Variants in N4BP2 observed in about 807,000 individuals in gnomAD.
The protein encoded by N4BP2 is NEDD4-binding protein 2.
In N4BP2, 91 loss-of-function variants were observed where a neutral mutation model predicts 152.8. The observed-to-expected ratio is 0.60, with a 90% CI of 0.50 to 0.71. The LOEUF is 0.71. N4BP2 is among the 30% of genes least tolerant of loss of function. N4BP2 has a pLI of 0.00. For synonymous variants in N4BP2, 646 were observed against 705.3 expected (o/e 0.92, Z 1.33); for missense variants, 1,923 against 2,059.1 (o/e 0.93, Z 1.28).
chr4:40,073,040 C>A lies in N4BP2; in HGVS notation c.-211-415C>A, dbSNP rs562711884. ...CTGGCCAGGTCAATTTCTTTACCAA[C>A]TTTTCACCTAATGATTTTAGCATTC... On this transcript the variant is annotated intron_variant, in intron 1 of 17. Transcript: ENST00000261435. Among the ~76,000 whole-genome samples the A allele has an allele frequency of 7.6e-4, 115 of 152,226 alleles. 2 individuals are homozygous for A. Among genetic ancestry groups the A allele is most frequent in the Admixed American group, 7.4e-3 (113 of 15,270 alleles).
downstream of N4BP2, among the ~76,000 whole-genome samples, chr4:40,162,950 G>T (rs1343990467): frequency 6.6e-6 from 1 of 152,192 alleles, no homozygotes; most frequent in Non-Finnish European, 1.5e-5. Context: ...AGGACCCCAT[G>T]TGGGCCTCTC....
chr4:40,097,647 AG>A, intron 3 of N4BP2, 78 bp downstream of exon 3: 1 of 800,916 alleles, frequency 1.2e-6, no homozygotes, highest in Non-Finnish European at 2.0e-6. Flanking sequence ...ATAGTAATAT[AG>A]AAAAATGTCT....
chr4:40,145,137 C>T (rs1008086), intron 16 of N4BP2, among the ~76,000 whole-genome samples: 14,263 of 151,846 alleles, frequency 0.094, 674 homozygotes, highest in Middle Eastern at 0.12. Context: ...ATTGATATTT[C>T]TTGGATTTCA....
chr4:40,130,886 ATATT>A (rs1718848431), intron 12 of N4BP2, among the ~76,000 whole-genome samples: 1 of 152,158 alleles, frequency 6.6e-6, no homozygotes, highest in Non-Finnish European at 1.5e-5. Context: ...ATGTTTAAGA[ATATT>A]TATTATCATC....
At chr4:40,183,535 A>G in the N4BP2 span, among the ~76,000 whole-genome samples, 70 of 152,118 alleles carry the variant, frequency 4.6e-4, no homozygotes, top group African/African-American at 1.7e-3. Context: ...ACGGGGTTTC[A>G]CCATGTTAGC....
intron 2 of N4BP2, among the ~76,000 whole-genome samples, chr4:40,092,015 TATATATATATA>T (rs1714639909): frequency 3.4e-5 from 3 of 87,154 alleles, no homozygotes; most frequent in African/African-American, 9.0e-5. Flanking sequence ...AAATTATATA[TATATATATATA>T]TATATATATA....
intron 16 of N4BP2, 26 bp from the exon 17 acceptor site, chr4:40,152,754 A>G (rs1476042587): frequency 6.2e-7 from 1 of 1,611,646 alleles, no homozygotes; most frequent in South Asian, 1.1e-5. Flanking sequence ...AATGAATTTT[A>G]ACTCCCCTGA....
chr4:40,082,704 C>CTT (rs573692053), intron 2 of N4BP2, among the ~76,000 whole-genome samples: 3 of 143,248 alleles, frequency 2.1e-5, no homozygotes, highest in Admixed American at 7.1e-5. Context: ...AGGCTGTATT[C>CTT]TTTTTTTTTT....
intron 3 of N4BP2, among the ~76,000 whole-genome samples, chr4:40,101,289 T>A (rs1715626274): frequency 6.6e-6 from 1 of 152,186 alleles, no homozygotes; most frequent in African/African-American, 2.4e-5. Flanking sequence ...CCTGAGTAGC[T>A]GGGATTACAG....
intron 14 of N4BP2, among the ~76,000 whole-genome samples, chr4:40,137,838 C>T (rs1166973963): frequency 6.6e-6 from 1 of 152,174 alleles, no homozygotes; most frequent in Non-Finnish European, 1.5e-5. Context: ...ATAATTTCAG[C>T]AGGCTCTGGG....
In N4BP2 at chr4:40,102,858, G is replaced by T; in HGVS notation, c.1013G>T (p.Gly338Val). The T allele has an allele frequency of 1.2e-6, 2 of 1,614,108 alleles. No homozygotes were observed. Among genetic ancestry groups the T allele is most frequent in the Non-Finnish European group, 1.7e-6 (2 of 1,180,018 alleles). ...PHKHPELPTK[G>V]KDVSYCPVLA... is the part of the protein sequence containing the mutation. Reference sequence around the variant, plus strand: ...AAACATCCTGAACTGCCAACTAAGGGGAAGGATGTGAGTTACTGCCCGGTA... The same window carrying T: ...AAACATCCTGAACTGCCAACTAAGGTGAAGGATGTGAGTTACTGCCCGGTA... Residue 338 changes from glycine (G) to valine (V), a missense_variant, in exon 4 of 18, where the codon GGG becomes GTG. Physicochemically the swap from Gly to Val is moderately radical, Grantham distance 109 (BLOSUM62 -3). Transcript: ENST00000261435.
the N4BP2 span, among the ~76,000 whole-genome samples, chr4:40,186,653 C>T: frequency 1.1e-4 from 16 of 152,340 alleles, no homozygotes; most frequent in Middle Eastern, 3.4e-3. Flanking sequence ...GTTTTGTAAC[C>T]TGCTTTTTTC....
At chr4:40,176,920 C>T in the N4BP2 span, among the ~76,000 whole-genome samples, 19 of 152,180 alleles carry the variant, frequency 1.2e-4, no homozygotes, top group Non-Finnish European at 2.4e-4. Flanking sequence ...TCCCTGTTTT[C>T]CCCCGCTTTT....
Position 40,136,987 on chromosome 4 carries a change from G to A in N4BP2, c.4690G>A (p.Glu1564Lys). Residue 1564 changes from glutamate to lysine, a missense_variant, in exon 14 of 18, where the codon GAA becomes AAA. By Grantham distance (56) the Glu-to-Lys change is moderately conservative (BLOSUM62 1). Transcript: ENST00000261435. ...HTVQFLNCVL[E>K]GDPVKTVVAQ... ...AGTGCAATTTCTTAACTGTGTTCTT[G>A]AAGGGGACCCTGTAAAAACAGTTGT... 1.2e-6 allele frequency: 2 copies of A among 1,613,606 alleles called. No homozygotes were observed. The highest frequency in any genetic ancestry group is 2.2e-5 in the South Asian group (2 of 91,048).
chr4:40,110,720 T>C (rs1397048502), intron 5 of N4BP2, among the ~76,000 whole-genome samples: 1 of 152,146 alleles, frequency 6.6e-6, no homozygotes, highest in Non-Finnish European at 1.5e-5. Context: ...GTATTTTTAG[T>C]AGAGACGGGG....
At chr4:40,139,910 C>T (rs1719759777) in intron 14 of N4BP2, among the ~76,000 whole-genome samples, 1 of 150,974 alleles carries the variant, frequency 6.6e-6, no homozygotes, top group African/African-American at 2.4e-5. Context: ...AGCGATCCTC[C>T]CATCTCCCCC....
At chr4:40,181,131 C>T in the N4BP2 span, among the ~76,000 whole-genome samples, 1 of 152,150 alleles carries the variant, frequency 6.6e-6, no homozygotes, top group African/African-American at 2.4e-5. Context: ...GCCTGGGTGA[C>T]AGAGCGAGAG....
At chr4:40,124,332 TTTTATTTA>T in intron 11 of N4BP2, 127 bp downstream of exon 11, 1 of 485,336 alleles carries the variant, frequency 2.1e-6, no homozygotes, top group Non-Finnish European at 3.6e-6. Flanking sequence ...CAAATAAAAG[TTTTATTTA>T]TTTATTTATT....
chr4:40,083,712 G>A (rs2109923928), intron 2 of N4BP2, among the ~76,000 whole-genome samples: 1 of 152,238 alleles, frequency 6.6e-6, no homozygotes, highest in South Asian at 2.1e-4. Flanking sequence ...ATGGGTGGTG[G>A]GGTTTCTTCT....
Sources: gnomAD v4.1 joint callset for allele counts (sites outside exome capture counted in the v4.1 genomes callset) on GRCh38, gnomAD v4.1.1 for gene constraint, MANE v1.5 for transcripts, NCBI Gene and HGNC (gene_info 2026-07-23, HGNC 2026-07-21) for gene names.